Variants in DIPK1A observed in about 807,000 individuals in gnomAD.
DIPK1A encodes divergent protein kinase domain 1A, also known as family with sequence similarity 69 member A.
In DIPK1A, 27 loss-of-function variants were observed where a neutral mutation model predicts 40.8. The ratio of observed to expected loss-of-function variants is 0.66; its 90% CI spans 0.49 to 0.91. DIPK1A has a LOEUF of 0.91. DIPK1A is among the 40% of genes least tolerant of loss of function. The pLI, the probability that DIPK1A is intolerant of heterozygous loss-of-function variation, is 0.00. For missense variants in DIPK1A, 412 were observed against 505.7 expected (o/e 0.81, Z 1.78); for synonymous variants, 166 against 171.3 (o/e 0.97, Z 0.24).
At position 92,914,864 on chromosome 1, in the gene DIPK1A, T is replaced by C. The variant is rs533266124; in HGVS notation, c.55-38434A>G. Among the ~76,000 whole-genome samples, 14 of 151,426 alleles carry C rather than the reference T, an allele frequency of 9.2e-5. 1 individual carries two copies. The South Asian group carries it at 2.5e-3, about 27-fold the overall frequency. ...ACTTTGGGAGGCTGAGGTGGGGGGA[T>C]TGCTTAAGGCCAGGAGTTTGAGACC... On this transcript the variant is annotated intron_variant, in intron 1 of 4. Coordinates refer to ENST00000370310, the MANE Select transcript of DIPK1A (RefSeq NM_001006605.5).
In DIPK1A at chr1:92,863,453, G is replaced by A. The variant is rs563656301; in HGVS notation, c.190-12498C>T. Among the ~76,000 whole-genome samples, 447 of 151,898 alleles carry A rather than the reference G, an allele frequency of 2.9e-3. 1 individual carries two copies. Among genetic ancestry groups the A allele is most frequent in the African/African-American group, 1.0e-2 (414 of 41,436 alleles). ...GTGCTACTATGATTTAAGATTGGCCGGGCAGTGGTGGCTCATGCCTACAAT... is the reference window on the plus strand; with the variant it reads ...GTGCTACTATGATTTAAGATTGGCCAGGCAGTGGTGGCTCATGCCTACAAT... On this transcript the variant is annotated intron_variant, in intron 2 of 4. Transcript: ENST00000370310.
downstream of DIPK1A, chr1:92,840,744 G>A (rs373214090): frequency 5.0e-5 from 43 of 859,482 alleles, no homozygotes; most frequent in Non-Finnish European, 7.9e-5. Context: ...CTAGCTCTGC[G>A]TGATGTGGCA....
chr1:92,843,478 C>T lies in DIPK1A; in HGVS notation c.1192G>A (p.Val398Ile), dbSNP rs990098046. ...KQLYSCIALK[V>I]TANQMEMEHS... is the part of the protein sequence containing the mutation. ...TCCATTTCCATTTGATTTGCTGTGACTTTGAGAGCAATACAAGAATAAAGC... is the reference window on the plus strand; with the variant it reads ...TCCATTTCCATTTGATTTGCTGTGATTTTGAGAGCAATACAAGAATAAAGC... The change falls in exon 5 of 5, where the codon GTC becomes ATC. Residue 398 changes from valine to isoleucine, a missense_variant. By Grantham distance (29) the Val-to-Ile change is conservative (BLOSUM62 3). Coordinates refer to ENST00000370310, the MANE Select transcript of DIPK1A (RefSeq NM_001006605.5). 6.4e-7 allele frequency: 1 copy of T among 1,551,512 alleles called. No homozygotes were observed. The highest frequency in any genetic ancestry group is 8.7e-7 in the Non-Finnish European group (1 of 1,146,872).
At chr1:92,879,871 A>C (rs1648292346) in intron 1 of DIPK1A, among the ~76,000 whole-genome samples, 1 of 151,918 alleles carries the variant, frequency 6.6e-6, no homozygotes, top group Non-Finnish European at 1.5e-5. Context: ...ATGCTGAACT[A>C]TTCACAATGA....
intron 1 of DIPK1A, among the ~76,000 whole-genome samples, chr1:92,889,141 C>T (rs934243141): frequency 2.6e-5 from 4 of 152,118 alleles, no homozygotes; most frequent in African/African-American, 4.8e-5. Context: ...TAATTTCATG[C>T]CTTCTATTCA....
At chr1:92,876,981 G>C (rs1319292365) in intron 1 of DIPK1A, 1 of 985,102 alleles carries the variant, frequency 1.0e-6, no homozygotes, top group Non-Finnish European at 1.2e-6. Context: ...TGTTCCTCTT[G>C]TTCAGCGAAC....
chr1:92,900,551 C>T (rs565263558), intron 1 of DIPK1A, among the ~76,000 whole-genome samples: 18 of 152,202 alleles, frequency 1.2e-4, no homozygotes, highest in African/African-American at 4.3e-4. Flanking sequence ...TGTATTGTAT[C>T]TCAATGAGTT....
Position 92,888,964 on chromosome 1 carries a change from T to C in DIPK1A, c.55-12534A>G, listed in dbSNP as rs78275277. Among the ~76,000 whole-genome samples, 746 of 152,332 alleles carry C rather than the reference T, an allele frequency of 4.9e-3. 2 individuals are homozygous for C. The highest frequency in any genetic ancestry group is 0.014 in the Middle Eastern group (4 of 294). On this transcript the variant is annotated intron_variant, in intron 1 of 4. Coordinates refer to ENST00000370310, the MANE Select transcript of DIPK1A (RefSeq NM_001006605.5). Reference sequence around the variant, plus strand: ...CAAATATTTTCTCTCATTCTGCACGTTGTCTCTTCACTCTGTTGATTTTTT... The same window carrying C: ...CAAATATTTTCTCTCATTCTGCACGCTGTCTCTTCACTCTGTTGATTTTTT...
At chr1:92,923,896 A>G (rs926494730) in intron 1 of DIPK1A, among the ~76,000 whole-genome samples, 17 of 152,224 alleles carry the variant, frequency 1.1e-4, no homozygotes, top group African/African-American at 4.1e-4. Context: ...AAAACAAAAC[A>G]AAACAAAAAC....
chr1:92,961,379 G>A lies in DIPK1A; in HGVS notation c.51C>T (p.Leu17=), dbSNP rs1239278200. 6.6e-7 allele frequency: 1 copy of A among 1,523,618 alleles called. No homozygotes were observed. The highest frequency in any genetic ancestry group is 8.8e-7 in the Non-Finnish European group (1 of 1,132,688). The allele number at this position is 1,523,618 out of a possible 1,614,324, so 94.4% of individuals were successfully genotyped here. Residue 17 remains leucine (L), a synonymous_variant, in exon 1 of 5, where the codon CTC becomes CTT. Coordinates refer to ENST00000370310, the MANE Select transcript of DIPK1A (RefSeq NM_001006605.5). ...GGCTGGGCGGCCGCCGGCCTACCTG[G>A]AGGTAATAGGGTTTCCTTAGCCAGG... ...PGAWLRKPYY[L]QARFSYVRMK... is the part of the protein sequence containing the mutation.
downstream of DIPK1A, chr1:92,837,687 A>G (rs571059513): frequency 3.7e-5 from 55 of 1,496,894 alleles, 1 homozygote; most frequent in African/African-American, 7.2e-4. Flanking sequence ...AAATAGGTTT[A>G]TTACTTGTTT....
intron 1 of DIPK1A, among the ~76,000 whole-genome samples, chr1:92,923,077 C>T (rs953112387): frequency 1.3e-5 from 2 of 152,142 alleles, no homozygotes; most frequent in African/African-American, 4.8e-5. Context: ...CTGTAGCTTT[C>T]CATGCTTATT....
At chr1:92,913,102 AG>A (rs1235066292) in intron 1 of DIPK1A, among the ~76,000 whole-genome samples, 2 of 152,202 alleles carry the variant, frequency 1.3e-5, no homozygotes, top group African/African-American at 2.4e-5. Context: ...AGAAAAAAAA[AG>A]ATAACAGAGT....
chr1:92,861,321 C>CTT (rs71230876), intron 2 of DIPK1A, among the ~76,000 whole-genome samples: 48,537 of 83,542 alleles, frequency 0.58, 16,014 homozygotes, highest in East Asian at 0.82. Context: ...CTCTCTCTCT[C>CTT]TTTTTTTTTT....
At chr1:92,878,820 A>AAAAC (rs113474701) in intron 1 of DIPK1A, among the ~76,000 whole-genome samples, 29,724 of 145,780 alleles carry the variant, frequency 0.2, 3,178 homozygotes, top group East Asian at 0.22. Flanking sequence ...CTCTGTCTCA[A>AAAAC]AAACAAACAA....
At chr1:92,838,294 G>A (rs1314766299), downstream of DIPK1A, among the ~76,000 whole-genome samples, 3 of 152,174 alleles carry the variant, frequency 2.0e-5, no homozygotes, top group Non-Finnish European at 4.4e-5. Flanking sequence ...AGGAAAAGGA[G>A]TAGTTTTTTA....
downstream of DIPK1A, chr1:92,837,894 G>T (rs6659942): frequency 0.89 from 426,097 of 479,690 alleles, 190,044 homozygotes; most frequent in East Asian, 0.97. Context: ...CTGCTTTGTT[G>T]GATAAGAGGT....
In DIPK1A at chr1:92,880,917, C is replaced by T. The variant is rs146297998; in HGVS notation, c.55-4487G>A. ...AACAAAAAAACTACTTCTGGCGGGG[C>T]GCGGTGGCTCACGCTTGTAATCTCA... On this transcript the variant is annotated intron_variant, in intron 1 of 4. Transcript: ENST00000370310. 1.4e-3 allele frequency among the ~76,000 whole-genome samples: 206 copies of T among 150,064 alleles called. 1 individual carries two copies. The highest frequency in any genetic ancestry group is 4.8e-3 in the African/African-American group (193 of 40,546).
At chr1:92,911,289 T>A (rs976529545) in intron 1 of DIPK1A, among the ~76,000 whole-genome samples, 55 of 152,338 alleles carry the variant, frequency 3.6e-4, no homozygotes, top group African/African-American at 1.3e-3. Context: ...AGCTGTCTTG[T>A]TCCTTCCACC....
Sources: allele counts gnomAD v4.1 joint callset (sites outside exome capture counted in the v4.1 genomes callset), GRCh38; gene constraint gnomAD v4.1.1; transcripts MANE v1.5; gene names NCBI Gene and HGNC (gene_info 2026-07-23, HGNC 2026-07-21).